Variants in EFCAB8 observed in about 807,000 individuals in gnomAD.
The protein encoded by EFCAB8 is EF-hand calcium-binding domain-containing protein 8.
A neutral mutation model predicts 116.3 loss-of-function variants in EFCAB8; 100 were observed. The ratio of observed to expected loss-of-function variants is 0.86; its 90% CI spans 0.73 to 1.02. EFCAB8 has a LOEUF of 1.02. Among genes scored for constraint, EFCAB8 ranks in the 50% least tolerant of loss-of-function variants. The pLI is 0.00. For missense variants in EFCAB8, 1,320 were observed against 1,416.9 expected, an observed-to-expected ratio of 0.93 and a Z score of 1.10; for synonymous variants, 558 against 567.9, an observed-to-expected ratio of 0.98 and a Z score of 0.25.
At chr20:32,960,713 TG>T (rs1419837388) in intron 26 of EFCAB8, among the ~76,000 whole-genome samples, 6 of 152,200 alleles carry the variant, frequency 3.9e-5, no homozygotes, top group African/African-American at 1.4e-4. Context: ...CTCCTCCCTG[TG>T]GTCCCCTTAA....
In EFCAB8 at chr20:32,907,003, C is replaced by T. The variant is rs1212415118; in HGVS notation, c.1308+9C>T. 1.0e-5 allele frequency: 15 copies of T among 1,495,338 alleles called. No homozygotes were observed. The highest frequency in any genetic ancestry group is 6.6e-5 in the Admixed American group (3 of 45,198). 92.6% of individuals were successfully genotyped at this position (1,495,338 alleles called of 1,614,324 possible). A position where few individuals can be genotyped will look rare whatever the true frequency, so the allele number is the denominator to read the frequency against. ...GTGTCTCCAAGGACAAGGTCCGCCC[C>T]GACGGTCCGCCTGACTCCTTCTGTT... On this transcript the variant is annotated intron_variant, in intron 13 of 26. Coordinates refer to ENST00000400522, the MANE Select transcript of EFCAB8 (RefSeq NM_001143967.2).
At chr20:32,922,035 G>A (rs977285147) in intron 20 of EFCAB8, among the ~76,000 whole-genome samples, 5 of 151,968 alleles carry the variant, frequency 3.3e-5, no homozygotes, top group African/African-American at 1.2e-4. Context: ...CACCATGTTG[G>A]CCAGGCTGGT....
At chr20:32,930,289 A>AGG (rs1987844328) in intron 20 of EFCAB8, 109 bp from the exon 21 acceptor site, 4 of 870,520 alleles carry the variant, frequency 4.6e-6, no homozygotes, top group Non-Finnish European at 5.2e-6. Flanking sequence ...TTCACTGGGC[A>AGG]TCTAGGAAAC....
chr20:32,952,203 T>G (rs1272887706), intron 23 of EFCAB8, among the ~76,000 whole-genome samples: 1 of 151,954 alleles, frequency 6.6e-6, no homozygotes, highest in Non-Finnish European at 1.5e-5. Flanking sequence ...AGGTTGAAGA[T>G]GCAGTAATCT....
intron 20 of EFCAB8, 152 bp downstream of exon 20, chr20:32,920,367 A>C: frequency 2.8e-6 from 3 of 1,081,890 alleles, no homozygotes; most frequent in Non-Finnish European, 3.9e-6. Flanking sequence ...GGAGACGCTC[A>C]GGATACTGGA....
rs1985957924 is a variant in EFCAB8, at chr20:32,892,273, G to A, written c.734G>A (p.Ser245Asn). The A allele has an allele frequency of 1.3e-6, 2 of 1,551,542 alleles. No individual in the cohort carries two copies. The highest frequency in any genetic ancestry group is 2.0e-5 in the Admixed American group (1 of 50,990). The change falls in exon 8 of 27, where the codon AGC (serine) becomes AAC (asparagine). Residue 245 changes from serine to asparagine, a missense_variant. Coordinates refer to ENST00000400522, the MANE Select transcript of EFCAB8 (RefSeq NM_001143967.2). Reference sequence around the variant, plus strand: ...GCCTTCACCTTTGTTGATCTGGACAGCTGTGCTCTGGTCATGGACTACTGG... The same window carrying A: ...GCCTTCACCTTTGTTGATCTGGACAACTGTGCTCTGGTCATGGACTACTGG... ...VRAFTFVDLD[S>N]CALVMDYWSD... is the part of the protein sequence containing the mutation.
chr20:32,960,239 G>A, intron 26 of EFCAB8, 78 bp downstream of exon 26: 1 of 1,318,354 alleles, frequency 7.6e-7, no homozygotes, highest in Admixed American at 2.0e-5. Context: ...AGCCACCCTT[G>A]TGCCCACACA....
intron 1 of EFCAB8, among the ~76,000 whole-genome samples, chr20:32,859,534 A>G (rs1031460352): frequency 1.1e-4 from 17 of 152,214 alleles, no homozygotes; most frequent in Non-Finnish European, 1.3e-4. Context: ...ATGAACATAC[A>G]TAGAACCACT....
intron 23 of EFCAB8, among the ~76,000 whole-genome samples, chr20:32,958,200 T>C (rs1989032160): frequency 6.6e-6 from 1 of 152,204 alleles, no homozygotes; most frequent in Non-Finnish European, 1.5e-5. Context: ...GCTTTAGGCC[T>C]GAGCTCCGAG....
At chr20:32,929,890 A>G (rs1460665802) in intron 20 of EFCAB8, among the ~76,000 whole-genome samples, 1 of 152,216 alleles carries the variant, frequency 6.6e-6, no homozygotes, top group Non-Finnish European at 1.5e-5. Context: ...GTAAGGGAAA[A>G]GTGAGCAGAG....
chr20:32,906,526 C>T (rs1600408223), intron 11 of EFCAB8, 36 bp from the exon 12 acceptor site: 1 of 718,098 alleles, frequency 1.4e-6, no homozygotes, highest in Non-Finnish European at 2.6e-6. Flanking sequence ...GGCCACTGCT[C>T]CCGGCCCTGC....
chr20:32,910,718 T>C (rs1437150935), intron 15 of EFCAB8, among the ~76,000 whole-genome samples: 1 of 149,990 alleles, frequency 6.7e-6, no homozygotes, highest in Non-Finnish European at 1.5e-5. Flanking sequence ...AGGGTTGGTC[T>C]GAAACCACCT....
intron 3 of EFCAB8, among the ~76,000 whole-genome samples, chr20:32,872,886 G>T (rs950076569): frequency 6.6e-6 from 1 of 151,562 alleles, no homozygotes; most frequent in Non-Finnish European, 1.5e-5. Context: ...GTGGTCAGGA[G>T]TTCGAGACCA....
Position 32,911,646 on chromosome 20 carries a change from A to C in EFCAB8, c.1724A>C (p.Lys575Thr). ...ACAGGTTTGCGGGATGGCACAATGA[A>C]GATGTGGAACTACAACATTGGCAAA... The part of the protein sequence containing the change: ...LLTGLRDGTM[K>T]MWNYNIGKCL... Residue 575 changes from lysine (K) to threonine (T), a missense_variant, in exon 16 of 27, where the codon AAG (lysine) becomes ACG (threonine). Coordinates refer to ENST00000400522, the MANE Select transcript of EFCAB8 (RefSeq NM_001143967.2). 1 of 1,551,752 alleles carries C rather than the reference A, an allele frequency of 6.4e-7. No homozygotes were observed. The highest frequency in any genetic ancestry group is 8.7e-7 in the Non-Finnish European group (1 of 1,147,004).
At position 32,918,234 on chromosome 20, in the gene EFCAB8, G is replaced by A. The variant is rs539709771; in HGVS notation, c.2062-128G>A. On this transcript the variant is annotated intron_variant, in intron 18 of 26. Transcript: ENST00000400522. ...GCTCTGGTCTGATGCCTTTAAGGGG[G>A]CTAGGTTTCTGGGAAGCAAGCCCTG... 3.7e-5 allele frequency: 33 copies of A among 884,514 alleles called. No homozygotes were observed. The East Asian group carries it at 8.4e-4, about 23-fold the overall frequency. 54.8% of individuals were successfully genotyped at this position (884,514 alleles called of 1,614,324 possible). A position where few individuals can be genotyped will look rare whatever the true frequency, so the allele number is the denominator to read the frequency against.
chr20:32,937,303 G>A (rs1451238474), intron 22 of EFCAB8, among the ~76,000 whole-genome samples: 1 of 151,994 alleles, frequency 6.6e-6, no homozygotes, highest in African/African-American at 2.4e-5. Flanking sequence ...CACACTTTCT[G>A]TTGATTAAAT....
chr20:32,927,494 G>A (rs1373028522), intron 20 of EFCAB8, among the ~76,000 whole-genome samples: 5 of 152,062 alleles, frequency 3.3e-5, no homozygotes, highest in African/African-American at 7.2e-5. Flanking sequence ...AAAGGTGCCC[G>A]CCACCATGCC....
intron 20 of EFCAB8, among the ~76,000 whole-genome samples, chr20:32,926,402 G>T (rs1334652594): frequency 6.9e-6 from 1 of 143,904 alleles, no homozygotes; most frequent in African/African-American, 2.6e-5. Flanking sequence ...AACTGAGAAC[G>T]TTTGAAACTA....
intron 3 of EFCAB8, among the ~76,000 whole-genome samples, chr20:32,872,458 C>G (rs1179253902): frequency 6.6e-6 from 1 of 152,054 alleles, no homozygotes; most frequent in East Asian, 1.9e-4. Context: ...TCCCAGAGCT[C>G]TCAGGCTGGA....
Sources: gnomAD v4.1 joint callset for allele counts (sites outside exome capture counted in the v4.1 genomes callset) on GRCh38, gnomAD v4.1.1 for gene constraint, MANE v1.5 for transcripts, NCBI Gene and HGNC (gene_info 2026-07-23, HGNC 2026-07-21) for gene names.